The following PHKA1 variants were observed in gnomAD, a reference collection of about 807,000 sequenced individuals.
PHKA1 encodes the protein phosphorylase b kinase regulatory subunit alpha, skeletal muscle isoform.
Under a neutral mutation model 110.2 loss-of-function variants are expected in PHKA1, and 60 were observed. That is an observed-to-expected ratio of 0.54 (90% CI 0.44 to 0.68). The LOEUF (loss-of-function observed/expected upper bound fraction) is 0.68. Among genes scored for constraint, PHKA1 ranks in the 30% least tolerant of loss-of-function variants. The pLI is 0.00. For synonymous variants in PHKA1, 316 were observed against 333.6 expected (o/e 0.95, Z 0.58); for missense variants, 801 against 942.5 (o/e 0.85, Z 1.97).
chrX:72,623,184 T>G lies in PHKA1; in HGVS notation c.1885A>C (p.Ser629Arg), dbSNP rs2053003928. ...TCATAGTTGTCATCATAATCTTCAC[T>G]GTACAGCTTACCCTCAGGTCCAGGG... ...MDPGPEGKLY[S>R]EDYDDNYDYL... The change falls in exon 18 of 32, where the codon AGT (serine) becomes CGT (arginine). Residue 629 changes from serine (S) to arginine (R), a missense_variant. Physicochemically the swap from Ser to Arg is moderately radical, Grantham distance 110. Coordinates refer to ENST00000373542, the MANE Select transcript of PHKA1 (RefSeq NM_002637.4). 8.3e-7 allele frequency: 1 copy of G among 1,207,511 alleles called. No homozygotes were observed. The highest frequency in any genetic ancestry group is 1.8e-5 in the African/African-American group (1 of 56,955).
At chrX:72,693,200 A>G (rs1337013468) in intron 4 of PHKA1, among the ~76,000 whole-genome samples, 2 of 111,627 alleles carry the variant, frequency 1.8e-5, no homozygotes, top group African/African-American at 3.3e-5. Context: ...AATCTTTCAA[A>G]TTTATTGAGG....
chrX:72,594,743 G>C (rs970024645), intron 28 of PHKA1, among the ~76,000 whole-genome samples: 6 of 112,605 alleles, frequency 5.3e-5, no homozygotes, highest in African/African-American at 1.6e-4. Flanking sequence ...ATGAGCCCCG[G>C]AGTTTGAGAC....
chrX:72,658,573 T>C (rs1055080936), intron 8 of PHKA1, among the ~76,000 whole-genome samples: 1 of 111,659 alleles, frequency 9.0e-6, no homozygotes, highest in Non-Finnish European at 1.9e-5. Flanking sequence ...GGATCCCATA[T>C]TGCATTCAGT....
rs201526819 is a variant in PHKA1, at chrX:72,605,306, A to G, written c.2780T>C (p.Met927Thr). The change falls in exon 25 of 32, where the codon ATG becomes ACG. Residue 927 changes from methionine (M) to threonine (T), a missense_variant. Met to Thr is a moderately conservative substitution (Grantham distance 81, BLOSUM62 -1). This residue lies in a region of PHKA1 where 502 missense variants were observed against 519.2 expected (regional missense o/e 0.97). Coordinates refer to ENST00000373542, the MANE Select transcript of PHKA1 (RefSeq NM_002637.4). ...RLRIGLIIQV[M>T]ATELAHSLRC... ...AAGGGAGTGGGCCAGTTCTGTTGCC[A>G]TAACTTGTATGATCAGACCAATTCG... 1.2e-5 allele frequency: 14 copies of G among 1,204,882 alleles called. No individual in the cohort carries two copies. The highest frequency in any genetic ancestry group is 8.7e-5 in the African/African-American group (5 of 57,261).
chrX:72,624,868 T>C (rs1237542566), intron 17 of PHKA1, among the ~76,000 whole-genome samples: 4 of 111,755 alleles, frequency 3.6e-5, no homozygotes, highest in Admixed American at 2.8e-4. Context: ...TTGTGAGATG[T>C]TCTGCAAAAT....
intron 16 of PHKA1, among the ~76,000 whole-genome samples, chrX:72,628,579 T>A (rs1369008432): frequency 1.1e-5 from 1 of 91,265 alleles, no homozygotes; most frequent in African/African-American, 5.2e-5. Flanking sequence ...TATTCCCATA[T>A]AAATATATAT....
At chrX:72,589,187 T>C (rs2052479392) in intron 29 of PHKA1, among the ~76,000 whole-genome samples, 1 of 111,976 alleles carries the variant, frequency 8.9e-6, no homozygotes, top group Non-Finnish European at 1.9e-5. Context: ...AGTAAAATAC[T>C]GGCAAACCGA....
At chrX:72,704,694 C>G (rs1444241894) in intron 3 of PHKA1, among the ~76,000 whole-genome samples, 1 of 110,946 alleles carries the variant, frequency 9.0e-6, no homozygotes, top group Non-Finnish European at 1.9e-5. Context: ...AGTGATCCTC[C>G]CACTTCACCC....
intron 16 of PHKA1, among the ~76,000 whole-genome samples, chrX:72,631,006 T>TTG (rs2053158467): frequency 2.0e-5 from 2 of 98,115 alleles, no homozygotes; most frequent in African/African-American, 7.4e-5. Flanking sequence ...CAGGTTTTTT[T>TTG]TTTTTTTTTT....
chrX:72,619,363 C>T (rs1437154813), intron 19 of PHKA1, 58 bp from the exon 20 acceptor site: 1 of 683,630 alleles, frequency 1.5e-6, no homozygotes. Context: ...AATAGAAATG[C>T]ACAGTTGACT....
chrX:72,629,508 C>G (rs910304796), intron 16 of PHKA1, among the ~76,000 whole-genome samples: 3 of 111,544 alleles, frequency 2.7e-5, no homozygotes, highest in African/African-American at 6.5e-5. Context: ...TTCTACTTTA[C>G]CAGATATTAA....
chrX:72,582,303 C>T (rs2052348874), intron 31 of PHKA1, 95 bp downstream of exon 31: 2 of 605,981 alleles, frequency 3.3e-6, no homozygotes, highest in South Asian at 2.4e-5. Flanking sequence ...AGGAAGAGGG[C>T]ACAAGAAAGT....
At chrX:72,583,934 T>C (rs1479143075) in intron 30 of PHKA1, among the ~76,000 whole-genome samples, 1 of 112,444 alleles carries the variant, frequency 8.9e-6, no homozygotes, top group Non-Finnish European at 1.9e-5. Context: ...AAGGTAGGAA[T>C]GTGAAGGACG....
intron 5 of PHKA1, among the ~76,000 whole-genome samples, chrX:72,680,729 CTG>C (rs2053840953): frequency 1.0e-5 from 1 of 99,070 alleles, no homozygotes; most frequent in Non-Finnish European, 2.0e-5. Context: ...AGCGGAGCCG[CTG>C]CCGCGACCGA....
intron 3 of PHKA1, among the ~76,000 whole-genome samples, chrX:72,699,458 G>A (rs782550879): frequency 1.4e-4 from 13 of 91,579 alleles, no homozygotes; most frequent in East Asian, 1.1e-3. Flanking sequence ...GCAGTGAGCC[G>A]AGATCGCGCC....
intron 11 of PHKA1, 85 bp downstream of exon 11, chrX:72,653,350 A>C (rs1556299806): frequency 1.7e-6 from 1 of 593,853 alleles, no homozygotes; most frequent in East Asian, 3.5e-5. Flanking sequence ...TAAGATTAAA[A>C]ATTATTTGAC....
At chrX:72,681,670 TG>T (rs1186602515) in intron 5 of PHKA1, among the ~76,000 whole-genome samples, 2 of 69,579 alleles carry the variant, frequency 2.9e-5, no homozygotes, top group Admixed American at 1.5e-4. Context: ...GGGAGGGAGA[TG>T]GGGGGGTCAG....
chrX:72,621,768 TCTAGAGA>T (rs1231515896), intron 18 of PHKA1: 4 of 749,729 alleles, frequency 5.3e-6, no homozygotes, highest in Non-Finnish European at 4.7e-6. Context: ...TTGAATACAA[TCTAGAGA>T]CTTGAGTGGA....
intron 14 of PHKA1, among the ~76,000 whole-genome samples, chrX:72,638,041 T>C (rs781953454): frequency 5.4e-5 from 6 of 112,099 alleles, no homozygotes; most frequent in Non-Finnish European, 5.6e-5. Context: ...AAATTGTTCA[T>C]TTTTAGTGTA....
Sources: gnomAD v4.1 joint callset for allele counts (sites outside exome capture counted in the v4.1 genomes callset) on GRCh38, gnomAD v4.1.1 for gene constraint, gnomAD v4.1.1 regional missense constraint, MANE v1.5 for transcripts, NCBI Gene and HGNC (gene_info 2026-07-23, HGNC 2026-07-21) for gene names.